The following FNIP1 variants were observed in gnomAD, a reference collection of about 807,000 sequenced individuals.
The protein encoded by FNIP1 is folliculin interacting protein 1.
In FNIP1, 40 loss-of-function variants were observed where a neutral mutation model predicts 124.5. The ratio of observed to expected loss-of-function variants is 0.32; its 90% CI spans 0.25 to 0.42. FNIP1 has a LOEUF of 0.42. FNIP1 is among the 10% of genes least tolerant of loss of function. The probability of loss-of-function intolerance (pLI) is 1.00; values close to 1 mark genes in which losing one functional copy is unlikely to be tolerated. For synonymous variants in FNIP1, 472 were observed against 470.6 expected (o/e 1.00, Z -0.04); for missense variants, 1,176 against 1,403.7 (o/e 0.84, Z 2.59).
chr5:131,788,038 G>A (rs1319235870), intron 1 of FNIP1, among the ~76,000 whole-genome samples: 2 of 152,108 alleles, frequency 1.3e-5, no homozygotes, highest in African/African-American at 2.4e-5. Context: ...CAAGAAGTGG[G>A]AAAGTAATGG....
At chr5:131,712,274 T>C (rs981396601) in intron 6 of FNIP1, among the ~76,000 whole-genome samples, 2 of 152,234 alleles carry the variant, frequency 1.3e-5, no homozygotes, top group African/African-American at 4.8e-5. Flanking sequence ...TTACTACTTC[T>C]AGTCTTTAAT....
chr5:131,743,205 TAGGATAA>T (rs1770567273), intron 2 of FNIP1, among the ~76,000 whole-genome samples: 1 of 151,574 alleles, frequency 6.6e-6, no homozygotes, highest in Non-Finnish European at 1.5e-5. Context: ...AGATAGTATA[TAGGATAA>T]AGGCATAATA....
intron 15 of FNIP1, among the ~76,000 whole-genome samples, chr5:131,660,003 C>T (rs781438638): frequency 2.0e-5 from 3 of 152,194 alleles, no homozygotes; most frequent in Admixed American, 6.5e-5. Flanking sequence ...CCTGGTGCCT[C>T]GGGTGCCCCA....
Position 131,671,382 on chromosome 5 carries a change from T to C in FNIP1, c.2939+123A>G, listed in dbSNP as rs866104522. On this transcript the variant is annotated intron_variant, in intron 14 of 17. Transcript: ENST00000510461. ...TACTCCTTCTTATGAGTTAAGAGAATATGAAAACAAGAGAGCTATCCAGAA... is the reference window on the plus strand; with the variant it reads ...TACTCCTTCTTATGAGTTAAGAGAACATGAAAACAAGAGAGCTATCCAGAA... 1.1e-5 allele frequency: 9 copies of C among 828,482 alleles called. No homozygotes were observed. In the African/African-American group the frequency reaches 1.2e-4, roughly 11 times the overall value. The allele number at this position is 828,482 out of a possible 1,614,324, so 51.3% of individuals were successfully genotyped here. A position where few individuals can be genotyped will look rare whatever the true frequency, so the allele number is the denominator to read the frequency against.
Position 131,761,750 on chromosome 5 carries a change from G to GA in FNIP1, c.93-17061dup, listed in dbSNP as rs1003866794. Among the ~76,000 whole-genome samples, 846 of 145,634 alleles carry GA rather than the reference G, an allele frequency of 5.8e-3. 10 individuals are homozygous for GA. The highest frequency in any genetic ancestry group is 0.018 in the African/African-American group (710 of 40,006). The stretch of plus-strand genomic sequence containing the variant: ...ACCAATGACATTCTTGACAGGAATA[G>GA]AAAAAAAAAAATCCTTAAATTCATA... On this transcript the variant is annotated intron_variant, in intron 1 of 17. Coordinates refer to ENST00000510461, the MANE Select transcript of FNIP1 (RefSeq NM_133372.3).
At chr5:131,718,151 C>T (rs1469094238) in intron 5 of FNIP1, among the ~76,000 whole-genome samples, 1 of 150,964 alleles carries the variant, frequency 6.6e-6, no homozygotes, top group Admixed American at 6.6e-5. Context: ...GATCACGCCA[C>T]TGCACTCCAC....
intron 11 of FNIP1, among the ~76,000 whole-genome samples, chr5:131,684,842 A>T (rs1180783862): frequency 1.3e-5 from 2 of 152,214 alleles, no homozygotes; most frequent in Non-Finnish European, 2.9e-5. Flanking sequence ...TGACTGCAGA[A>T]AAGAATTTGT....
chr5:131,779,863 G>C (rs1005579100), intron 1 of FNIP1, among the ~76,000 whole-genome samples: 1 of 151,934 alleles, frequency 6.6e-6, no homozygotes, highest in African/African-American at 2.4e-5. Context: ...AATGGCAGAT[G>C]TTAGAGCATG....
chr5:131,744,877 A>C (rs1770625299), intron 1 of FNIP1, among the ~76,000 whole-genome samples, 187 bp from the exon 2 acceptor site: 1 of 151,534 alleles, frequency 6.6e-6, no homozygotes, highest in Non-Finnish European at 1.5e-5. Context: ...ATAAAGGCAA[A>C]ACAAAATTAT....
At chr5:131,781,398 G>C (rs545037853) in intron 1 of FNIP1, among the ~76,000 whole-genome samples, 5 of 152,308 alleles carry the variant, frequency 3.3e-5, no homozygotes, top group African/African-American at 1.2e-4. Context: ...GACTTCCATA[G>C]CCAGACAGGA....
At chr5:131,737,327 T>C (rs1268139473) in intron 2 of FNIP1, among the ~76,000 whole-genome samples, 1 of 152,198 alleles carries the variant, frequency 6.6e-6, no homozygotes, top group African/African-American at 2.4e-5. Context: ...GGGAGAATAG[T>C]ATGTGTGTGT....
intron 3 of FNIP1, among the ~76,000 whole-genome samples, chr5:131,719,797 A>G (rs1002912288): frequency 2.0e-5 from 3 of 152,208 alleles, no homozygotes; most frequent in African/African-American, 7.2e-5. Context: ...TCCAGGATAG[A>G]TAATAAGTGA....
At chr5:131,711,993 T>G (rs1055463731) in intron 6 of FNIP1, among the ~76,000 whole-genome samples, 1 of 152,222 alleles carries the variant, frequency 6.6e-6, no homozygotes, top group African/African-American at 2.4e-5. Context: ...CATAAAACTT[T>G]TGTTTCCTAG....
chr5:131,789,158 G>C (rs1464464409), intron 1 of FNIP1, among the ~76,000 whole-genome samples: 3 of 152,094 alleles, frequency 2.0e-5, no homozygotes, highest in African/African-American at 7.2e-5. Context: ...AGTGAAATTA[G>C]GCACAGAAAG....
intron 1 of FNIP1, among the ~76,000 whole-genome samples, chr5:131,773,845 G>C (rs1771720180): frequency 6.6e-6 from 1 of 152,064 alleles, no homozygotes; most frequent in Non-Finnish European, 1.5e-5. Flanking sequence ...GGTTGCTAGA[G>C]GGGTATGTGG....
chr5:131,760,080 A>T (rs999747099), intron 1 of FNIP1, among the ~76,000 whole-genome samples: 1 of 152,164 alleles, frequency 6.6e-6, no homozygotes, highest in Non-Finnish European at 1.5e-5. Context: ...GACACTGTGG[A>T]CTACTAGAGG....
chr5:131,665,811 G>A (rs1296243559), intron 15 of FNIP1, among the ~76,000 whole-genome samples: 2 of 151,310 alleles, frequency 1.3e-5, no homozygotes, highest in East Asian at 3.9e-4. Context: ...GACTGGTCTC[G>A]AACTCTTGAC....
chr5:131,668,280 A>G (rs1442516712), intron 15 of FNIP1, among the ~76,000 whole-genome samples: 2 of 152,268 alleles, frequency 1.3e-5, no homozygotes, highest in Non-Finnish European at 2.9e-5. Flanking sequence ...AATTCCATAA[A>G]TATTTGTAAA....
At chr5:131,734,696 C>A (rs1438562025) in intron 2 of FNIP1, among the ~76,000 whole-genome samples, 6 of 152,146 alleles carry the variant, frequency 3.9e-5, no homozygotes, top group African/African-American at 7.2e-5. Context: ...ATGCAGCCAA[C>A]AGACACATGA....
Sources: allele counts gnomAD v4.1 joint callset (sites outside exome capture counted in the v4.1 genomes callset), GRCh38; gene constraint gnomAD v4.1.1; transcripts MANE v1.5; gene names NCBI Gene and HGNC (gene_info 2026-07-23, HGNC 2026-07-21).